ZMYM2: variants seen among roughly 807,000 people sequenced by gnomAD.
ZMYM2 encodes the protein zinc finger MYM-type protein 2.
Under a neutral mutation model 162.8 loss-of-function variants are expected in ZMYM2, and 56 were observed. The ratio of observed to expected loss-of-function variants is 0.34; its 90% confidence interval spans 0.28 to 0.43. The LOEUF is 0.43. Ranked by LOEUF, ZMYM2 falls within the 20% of genes least tolerant of loss-of-function variation. ZMYM2 has a pLI of 1.00. For synonymous variants in ZMYM2, 510 were observed against 541.6 expected, an observed-to-expected ratio of 0.94 and a Z score of 0.81; for missense variants, 1,275 against 1,621.8, an observed-to-expected ratio of 0.79 and a Z score of 3.67.
At chr13:19,937,736 C>T in the ZMYM2 span, among the ~76,000 whole-genome samples, 1 of 151,042 alleles carries the variant, frequency 6.6e-6, no homozygotes, top group Admixed American at 6.6e-5. Context: ...GTGCTGCACC[C>T]ATTAACTCGT....
chr13:19,926,883 GT>G, the ZMYM2 span, among the ~76,000 whole-genome samples: 1 of 152,056 alleles, frequency 6.6e-6, no homozygotes, highest in African/African-American at 2.4e-5. Flanking sequence ...GGCCAGTCTG[GT>G]CTCAAACTCC....
At chr13:19,990,926 C>T (rs1227769259) in intron 2 of ZMYM2, among the ~76,000 whole-genome samples, 1 of 151,958 alleles carries the variant, frequency 6.6e-6, no homozygotes, top group Non-Finnish European at 1.5e-5. Flanking sequence ...TTGCATTTTG[C>T]CCCCCAAGTT....
chr13:20,006,422 G>T lies in ZMYM2; in HGVS notation c.1348G>T (p.Asp450Tyr). 1 of 1,606,706 alleles carries T rather than the reference G, an allele frequency of 6.2e-7. No individual in the cohort carries two copies. The highest frequency in any genetic ancestry group is 1.1e-5 in the South Asian group (1 of 90,036). ...FKNMTHKLCS[D>Y]HCFNRYRMAN... ...AAATATGACTCATAAGCTGTGCAGTGACCACTGCTTTAATAGATATAGAAT... is the reference window on the plus strand; with the variant it reads ...AAATATGACTCATAAGCTGTGCAGTTACCACTGCTTTAATAGATATAGAAT... Residue 450 changes from aspartate to tyrosine, a missense_variant, in exon 6 of 25, where the codon GAC (aspartate) becomes TAC (tyrosine). Physicochemically the swap from Asp to Tyr is radical, Grantham distance 160. This residue lies in a region of ZMYM2 where 276 missense variants were observed against 311.8 expected (regional missense o/e 0.89). Coordinates refer to ENST00000610343, the MANE Select transcript of ZMYM2 (RefSeq NM_197968.4).
At chr13:19,894,872 C>T in the ZMYM2 span, among the ~76,000 whole-genome samples, 4 of 151,648 alleles carry the variant, frequency 2.6e-5, no homozygotes, top group Non-Finnish European at 5.9e-5. Context: ...GGGTAGATCA[C>T]TTGAGGTTAG....
chr13:20,073,788 G>T (rs572313953), intron 21 of ZMYM2, among the ~76,000 whole-genome samples: 2 of 152,140 alleles, frequency 1.3e-5, no homozygotes, highest in East Asian at 3.9e-4. Flanking sequence ...GAGCTAAGTG[G>T]ATTGTGTAAT....
At chr13:19,991,485 T>C (rs554895990) in intron 2 of ZMYM2, among the ~76,000 whole-genome samples, 1 of 152,272 alleles carries the variant, frequency 6.6e-6, no homozygotes, top group Admixed American at 6.5e-5. Flanking sequence ...TAGGAGGTGC[T>C]TAGAAAATAT....
At chr13:19,913,868 T>C in the ZMYM2 span, among the ~76,000 whole-genome samples, 4 of 152,194 alleles carry the variant, frequency 2.6e-5, no homozygotes, top group Non-Finnish European at 1.5e-5. Flanking sequence ...CCTGCCTGCA[T>C]CTATGTTGAT....
At chr13:19,873,294 A>G in the ZMYM2 span, among the ~76,000 whole-genome samples, 1 of 152,116 alleles carries the variant, frequency 6.6e-6, no homozygotes, top group Non-Finnish European at 1.5e-5. Context: ...GTCTCCTTCA[A>G]TCTGGAATGG....
At chr13:19,962,019 T>G (rs1352703330) in intron 2 of ZMYM2, among the ~76,000 whole-genome samples, 1 of 152,232 alleles carries the variant, frequency 6.6e-6, no homozygotes, top group East Asian at 1.9e-4. Flanking sequence ...CCTATCCTTT[T>G]AAATTGTTGG....
At chr13:19,952,254 A>C in the ZMYM2 span, among the ~76,000 whole-genome samples, 1 of 152,148 alleles carries the variant, frequency 6.6e-6, no homozygotes, top group Non-Finnish European at 1.5e-5. Context: ...GTTTGGTGGA[A>C]TTTAGAGGAT....
the ZMYM2 span, among the ~76,000 whole-genome samples, chr13:19,883,919 G>A: frequency 6.6e-6 from 1 of 152,090 alleles, no homozygotes; most frequent in Non-Finnish European, 1.5e-5. Context: ...CCCACATCTG[G>A]CTAATTTCTG....
the ZMYM2 span, among the ~76,000 whole-genome samples, chr13:19,873,423 T>TATTTATTG: frequency 2.6e-4 from 38 of 148,834 alleles, no homozygotes; most frequent in South Asian, 1.5e-3. Flanking sequence ...TTTATTTATT[T>TATTTATTG]ATTGAGGCAG....
At chr13:20,008,973 C>T (rs1950962168) in intron 6 of ZMYM2, among the ~76,000 whole-genome samples, 1 of 151,966 alleles carries the variant, frequency 6.6e-6, no homozygotes, top group African/African-American at 2.4e-5. Flanking sequence ...CAGAATGTTG[C>T]CTCTTTGAAA....
chr13:20,059,423 C>G (rs1956067258), intron 15 of ZMYM2, 24 bp from the exon 16 acceptor site: 2 of 1,611,274 alleles, frequency 1.2e-6, no homozygotes, highest in Non-Finnish European at 1.7e-6. Context: ...AACATTGCTC[C>G]TTAAATATGT....
intron 2 of ZMYM2, among the ~76,000 whole-genome samples, chr13:19,979,027 AT>A (rs140872149): frequency 0.14 from 21,827 of 151,954 alleles, 2,957 homozygotes; most frequent in African/African-American, 0.36. Context: ...TGGCTGACAG[AT>A]TTTTTTCCCC....
At chr13:19,877,955 G>C in the ZMYM2 span, among the ~76,000 whole-genome samples, 2 of 151,996 alleles carry the variant, frequency 1.3e-5, no homozygotes, top group Admixed American at 6.6e-5. Flanking sequence ...TAAATTTTTG[G>C]CTGTTTTCCA....
At chr13:20,036,951 TAAAA>T (rs779005997) in intron 12 of ZMYM2, 42 bp downstream of exon 12, 39 of 1,526,590 alleles carry the variant, frequency 2.6e-5, no homozygotes, top group Non-Finnish European at 3.3e-5. Context: ...TAACCAGTCT[TAAAA>T]AACGTTGTAG....
intron 2 of ZMYM2, among the ~76,000 whole-genome samples, chr13:19,985,688 C>T (rs1373286087): frequency 1.0e-4 from 15 of 146,640 alleles, no homozygotes; most frequent in Admixed American, 9.7e-4. Context: ...GGCAACAGGG[C>T]GAGACTTGGT....
At chr13:20,083,863 G>A (rs1233678326) in intron 24 of ZMYM2, 87 bp downstream of exon 24, 1 of 1,317,574 alleles carries the variant, frequency 7.6e-7, no homozygotes, top group African/African-American at 1.5e-5. Context: ...GACTTTTTTA[G>A]ATGGATTCTT....
Sources: allele counts gnomAD v4.1 joint callset (sites outside exome capture counted in the v4.1 genomes callset), GRCh38; gene constraint gnomAD v4.1.1; regional missense constraint gnomAD v4.1.1; transcripts MANE v1.5; gene names NCBI Gene and HGNC (gene_info 2026-07-23, HGNC 2026-07-21).